The following EML5 variants were observed in gnomAD, a reference collection of about 807,000 sequenced individuals.
EML5 encodes the protein echinoderm microtubule-associated protein-like 5.
EML5 carries 120 observed loss-of-function variants against 250.0 expected under a neutral mutation model. That is an observed-to-expected ratio of 0.48 (90% confidence interval 0.41 to 0.56). The LOEUF (loss-of-function observed/expected upper bound fraction) is 0.56, where lower values mean the gene tolerates loss of function less well. Among genes scored for constraint, EML5 ranks in the 20% least tolerant of loss-of-function variants. The pLI is 0.00. For synonymous variants in EML5, 771 were observed against 806.5 expected (o/e 0.96, Z 0.75); for missense variants, 2,006 against 2,437.6 (o/e 0.82, Z 3.73).
intron 7 of EML5, among the ~76,000 whole-genome samples, chr14:88,733,344 C>A (rs999426227): frequency 6.6e-6 from 1 of 152,194 alleles, no homozygotes; most frequent in Non-Finnish European, 1.5e-5. Context: ...CCCTAAATGC[C>A]CATTTTCTTT....
Position 88,665,502 on chromosome 14 carries a change from G to GAGCATATT in EML5, c.3125-21_3125-14dup. On this transcript the variant is annotated splice_polypyrimidine_tract_variant and intron_variant, in intron 21 of 43. Coordinates refer to ENST00000554922, the MANE Select transcript of EML5 (RefSeq NM_183387.3). ...CAACACCTCCCACCTGAAAGAGAAA[G>GAGCATATT]AGCATATTAGGCAATTTTCCCTTTT... is the stretch of plus-strand genomic sequence containing the variant. The GAGCATATT allele has an allele frequency of 6.2e-7, 1 of 1,613,254 alleles. No homozygotes were observed. Among genetic ancestry groups the GAGCATATT allele is most frequent in the Non-Finnish European group, 8.5e-7 (1 of 1,179,704 alleles).
chr14:88,649,337 G>A (rs1011707085), intron 28 of EML5, among the ~76,000 whole-genome samples: 1 of 152,062 alleles, frequency 6.6e-6, no homozygotes, highest in African/African-American at 2.4e-5. Flanking sequence ...TTACAGGCCT[G>A]AGCCACCGTG....
At chr14:88,686,497 C>T (rs1259964435) in intron 19 of EML5, among the ~76,000 whole-genome samples, 1 of 151,912 alleles carries the variant, frequency 6.6e-6, no homozygotes, top group Admixed American at 6.6e-5. Flanking sequence ...GGGCCTGATG[C>T]TGCCCTTGCA....
In EML5 at chr14:88,792,308, T is replaced by C; in HGVS notation, c.196A>G (p.Ser66Gly). 1.3e-6 allele frequency: 2 copies of C among 1,554,040 alleles called. No homozygotes were observed. The highest frequency in any genetic ancestry group is 1.7e-6 in the Non-Finnish European group (2 of 1,151,168). Residue 66 changes from serine to glycine, a missense_variant and splice_region_variant, in exon 1 of 44, where the codon AGC becomes GGC. By Grantham distance (56) the Ser-to-Gly change is moderately conservative. Transcript: ENST00000554922. The surrounding 1 kb of genome is among the most constrained non-coding windows in gnomAD (Gnocchi z 6.9). The stretch of plus-strand genomic sequence containing the variant: ...GCGGCGGCCCCCGCTCCCCGGTACC[T>C]GATGATGTCGTCGCTGTGGCCCCGG... ...FYRGHSDDII[S>G]LALHPERVLV...
chr14:88,731,807 C>T (rs1381811928), intron 7 of EML5, among the ~76,000 whole-genome samples: 1 of 152,164 alleles, frequency 6.6e-6, no homozygotes, highest in Non-Finnish European at 1.5e-5. Context: ...ATTTGCATTT[C>T]TCTGATGGCC....
intron 1 of EML5, among the ~76,000 whole-genome samples, chr14:88,781,832 A>G (rs1358136939): frequency 1.3e-5 from 2 of 152,248 alleles, no homozygotes; most frequent in Non-Finnish European, 2.9e-5. Flanking sequence ...CAGAACTGTG[A>G]GTCAATTAAA....
intron 1 of EML5, among the ~76,000 whole-genome samples, chr14:88,781,471 C>G (rs770216948): frequency 6.6e-6 from 1 of 152,226 alleles, no homozygotes; most frequent in Non-Finnish European, 1.5e-5. Flanking sequence ...ACCAATGATA[C>G]TACCACTAAT....
rs897609461 is a variant in EML5, at chr14:88,763,189, A to G, written c.198-8518T>C. Among the ~76,000 whole-genome samples, 3 of 152,240 alleles carry G rather than the reference A, an allele frequency of 2.0e-5. No individual in the cohort carries two copies. In the East Asian group the frequency reaches 5.8e-4, roughly 29 times the overall value. On this transcript the variant is annotated intron_variant, in intron 1 of 43. Transcript: ENST00000554922. Reference sequence around the variant, plus strand: ...AGAACTGAAGGAGACAGAGAAGAAAACCCTTTCAAAAAATCAATGAATCAG... The same window carrying G: ...AGAACTGAAGGAGACAGAGAAGAAAGCCCTTTCAAAAAATCAATGAATCAG...
chr14:88,684,966 T>C (rs778339335), intron 20 of EML5, 49 bp downstream of exon 20: 7 of 1,490,240 alleles, frequency 4.7e-6, no homozygotes, highest in Non-Finnish European at 5.4e-6. Context: ...TATATTGAAA[T>C]AATCAATTGT....
chr14:88,669,599 T>G (rs747031301), intron 21 of EML5, among the ~76,000 whole-genome samples: 1 of 152,136 alleles, frequency 6.6e-6, no homozygotes, highest in Non-Finnish European at 1.5e-5. Flanking sequence ...TCCCAGGGAC[T>G]GAGCTCCTAG....
At chr14:88,628,225 T>C (rs1269147643) in intron 33 of EML5, among the ~76,000 whole-genome samples, 1 of 152,126 alleles carries the variant, frequency 6.6e-6, no homozygotes, top group Non-Finnish European at 1.5e-5. Context: ...TCAGTACTGA[T>C]GTTATCTGAA....
chr14:88,780,702 A>G (rs926119503), intron 1 of EML5, among the ~76,000 whole-genome samples: 2 of 152,144 alleles, frequency 1.3e-5, no homozygotes, highest in Non-Finnish European at 2.9e-5. Flanking sequence ...CAGACTCCCA[A>G]GTACCTGGGA....
At chr14:88,637,736 CAT>C (rs2090822413) in intron 32 of EML5, among the ~76,000 whole-genome samples, 1 of 152,086 alleles carries the variant, frequency 6.6e-6, no homozygotes, top group Non-Finnish European at 1.5e-5. Flanking sequence ...ACTTAGGTAA[CAT>C]AGTTTCTTCA....
At position 88,658,394 on chromosome 14, in the gene EML5, G is replaced by C; in HGVS notation, c.3676-6C>G. ...TTAAACTTTCCAAATTTCCCCTAAA[G>C]AGGAAGAAAATTCAAACAATCTTTC... On this transcript the variant is annotated splice_polypyrimidine_tract_variant and splice_region_variant and intron_variant, in intron 25 of 43. Coordinates refer to ENST00000554922, the MANE Select transcript of EML5 (RefSeq NM_183387.3). The C allele has an allele frequency of 1.3e-6, 2 of 1,576,760 alleles. No individual in the cohort carries two copies. Among genetic ancestry groups the C allele is most frequent in the Non-Finnish European group, 1.7e-6 (2 of 1,160,648 alleles).
At chr14:88,732,093 G>T (rs1204416768) in intron 7 of EML5, among the ~76,000 whole-genome samples, 1 of 152,086 alleles carries the variant, frequency 6.6e-6, no homozygotes, top group African/African-American at 2.4e-5. Context: ...GTCAATTTTG[G>T]CTTTTGTTGC....
chr14:88,671,637 G>A (rs2092465286), intron 21 of EML5, among the ~76,000 whole-genome samples: 1 of 152,128 alleles, frequency 6.6e-6, no homozygotes, highest in Non-Finnish European at 1.5e-5. Flanking sequence ...ACCCACTGGT[G>A]TGCTATATTC....
chr14:88,688,764 T>A (rs930703557), intron 17 of EML5, among the ~76,000 whole-genome samples: 1 of 152,186 alleles, frequency 6.6e-6, no homozygotes, highest in African/African-American at 2.4e-5. Context: ...TATTTAAGAA[T>A]ACAAAAAGGC....
chr14:88,754,109 G>A (rs2094132621), intron 2 of EML5, among the ~76,000 whole-genome samples: 1 of 152,160 alleles, frequency 6.6e-6, no homozygotes, highest in Admixed American at 6.5e-5. Context: ...CTGGGCAGCA[G>A]AGCGTGACCC....
intron 23 of EML5, 74 bp from the exon 24 acceptor site, chr14:88,663,193 A>C (rs2140965575): frequency 9.9e-7 from 1 of 1,011,426 alleles, no homozygotes; most frequent in Non-Finnish European, 1.4e-6. Context: ...TATGATGTTT[A>C]AGTTTTATGG....
Sources: gnomAD v4.1 joint callset for allele counts (sites outside exome capture counted in the v4.1 genomes callset) on GRCh38, gnomAD v4.1.1 for gene constraint, Gnocchi (gnomAD v3.1) non-coding constraint, MANE v1.5 for transcripts, NCBI Gene and HGNC (gene_info 2026-07-23, HGNC 2026-07-21) for gene names.